PDLIM4: variants seen among roughly 807,000 people sequenced by gnomAD.
The protein encoded by PDLIM4 is PDZ and LIM domain 4, also known as PDZ and LIM domain protein 4.
Under a neutral mutation model 31.3 loss-of-function variants are expected in PDLIM4, and 19 were observed. The ratio of observed to expected loss-of-function variants is 0.61; its 90% CI spans 0.42 to 0.89. PDLIM4 has a LOEUF of 0.89. PDLIM4 is among the 40% of genes least tolerant of loss of function. The pLI, the probability that PDLIM4 is intolerant of heterozygous loss-of-function variation, is 0.00. For missense variants in PDLIM4, 442 were observed against 461.1 expected (o/e 0.96, Z 0.38); for synonymous variants, 176 against 190.1 (o/e 0.93, Z 0.61).
chr5:132,263,871 C>T (rs913600072), intron 2 of PDLIM4, among the ~76,000 whole-genome samples: 53 of 152,348 alleles, frequency 3.5e-4, no homozygotes, highest in African/African-American at 1.3e-3. Context: ...CTTTGGAGTT[C>T]AGCAAAGCTG....
chr5:132,264,937 T>C (rs1234519986), intron 2 of PDLIM4, among the ~76,000 whole-genome samples: 2 of 151,444 alleles, frequency 1.3e-5, no homozygotes, highest in African/African-American at 4.9e-5. Context: ...GAATGAAAAG[T>C]GTATCAAAGG....
At position 132,271,365 on chromosome 5, in the gene PDLIM4, T is replaced by C; in HGVS notation, c.569T>C (p.Val190Ala). 1 of 1,605,688 alleles carries C rather than the reference T, an allele frequency of 6.2e-7. No homozygotes were observed. The highest frequency in any genetic ancestry group is 8.5e-7 in the Non-Finnish European group (1 of 1,179,022). ...RDCRVDLGSEVYRMLREPAEP... is the reference protein window; with the variant it reads ...RDCRVDLGSEAYRMLREPAEP... The stretch of plus-strand genomic sequence containing the variant: ...TGCAGAGTCGACCTGGGCTCCGAGG[T>C]GTACAGGATGCTGCGGGAGCCAGCC... The change falls in exon 5 of 7, where the codon GTG (valine) becomes GCG (alanine). Residue 190 changes from valine (V) to alanine (A), a missense_variant. Transcript: ENST00000253754.
Position 132,272,634 on chromosome 5 carries a change from T to G in PDLIM4, c.*405T>G. The G allele has an allele frequency of 3.5e-6, 1 of 283,660 alleles. No individual in the cohort carries two copies. The highest frequency in any genetic ancestry group is 7.0e-6 in the Non-Finnish European group (1 of 142,738). The allele number at this position is 283,660 out of a possible 1,614,324, so 17.6% of individuals were successfully genotyped here. A position where few individuals can be genotyped will look rare whatever the true frequency, so the allele number is the denominator to read the frequency against. On this transcript the variant is annotated 3_prime_UTR_variant, in exon 7 of 7. Coordinates refer to ENST00000253754, the MANE Select transcript of PDLIM4 (RefSeq NM_003687.4). ...ACTAAGAGATGAGGGAGGCACAAAC[T>G]CTGCACGGGGGAACTGTGTGTGCAA...
In PDLIM4 at chr5:132,262,616, CT is replaced by C; in HGVS notation, c.102del (p.Gly35AlafsTer14). 1 of 1,606,940 alleles carries C rather than the reference CT, an allele frequency of 6.2e-7. No individual in the cohort carries two copies. The highest frequency in any genetic ancestry group is 2.2e-5 in the East Asian group (1 of 44,674). On this transcript the variant is annotated frameshift_variant, in exon 2 of 7. Coordinates refer to ENST00000253754, the MANE Select transcript of PDLIM4 (RefSeq NM_003687.4). LOFTEE classifies it high-confidence loss of function. ...TGGCTTGTCTGCTCGCAGGTCCATG[CT>C]GGCAGCAAGGCTGCATTGGCTGCCC... ...SAPLTISRVH[A>X]GSKAALAALC... is the part of the protein sequence containing the mutation.
chr5:132,258,843 T>A (rs1343786675), intron 1 of PDLIM4, among the ~76,000 whole-genome samples: 1 of 152,162 alleles, frequency 6.6e-6, no homozygotes, highest in Non-Finnish European at 1.5e-5. Flanking sequence ...TGGGGGCCTG[T>A]GTCAGAGGCA....
In PDLIM4 at chr5:132,272,890, C is replaced by T. The variant is rs1756662328; in HGVS notation, c.*661C>T. 6.5e-6 allele frequency: 1 copy of T among 152,828 alleles called. No homozygotes were observed. Among genetic ancestry groups the T allele is most frequent in the African/African-American group, 2.4e-5 (1 of 41,560 alleles). 9.5% of individuals were successfully genotyped at this position (152,828 alleles called of 1,614,324 possible). A position where few individuals can be genotyped will look rare whatever the true frequency, so the allele number is the denominator to read the frequency against. On this transcript the variant is annotated 3_prime_UTR_variant, in exon 7 of 7. Coordinates refer to ENST00000253754, the MANE Select transcript of PDLIM4 (RefSeq NM_003687.4). Reference sequence around the variant, plus strand: ...GAGCACTTTATTCTCCTCCGAGACCCCCTTTTCTTCCCCTTCCTCTCTCCC... The same window carrying T: ...GAGCACTTTATTCTCCTCCGAGACCTCCTTTTCTTCCCCTTCCTCTCTCCC...
rs200399687 is a variant in PDLIM4 at position 132,271,772 on chromosome 5, C to T, written c.671-19C>T. ...TGACCTCCTCACCCCGTTCATGCCA[C>T]CTACGCTCCGGGTTTCAGGGGATTG... On this transcript the variant is annotated intron_variant, in intron 5 of 6. Coordinates refer to ENST00000253754, the MANE Select transcript of PDLIM4 (RefSeq NM_003687.4). 8,213 of 1,539,744 alleles carry T rather than the reference C, an allele frequency of 5.3e-3. 30 individuals are homozygous for T. Among genetic ancestry groups the T allele is most frequent in the Non-Finnish European group, 6.7e-3 (7,485 of 1,112,914 alleles).
intron 2 of PDLIM4, among the ~76,000 whole-genome samples, chr5:132,264,915 A>G (rs1158196709): frequency 1.3e-5 from 2 of 150,694 alleles, no homozygotes; most frequent in African/African-American, 4.9e-5. Flanking sequence ...TCCCCCCACC[A>G]ACTCCCCCAC....
intron 5 of PDLIM4, 129 bp downstream of exon 5, chr5:132,271,595 C>A (rs778355209): frequency 9.2e-7 from 1 of 1,088,282 alleles, no homozygotes; most frequent in Non-Finnish European, 1.4e-6. Flanking sequence ...GGTCCCACGC[C>A]CTTGCTACAA....
Position 132,270,998 on chromosome 5 carries a change from TG to T in PDLIM4, c.413del (p.Gly138AspfsTer22). 1 of 1,614,112 alleles carries T rather than the reference TG, an allele frequency of 6.2e-7. No homozygotes were observed. The highest frequency in any genetic ancestry group is 8.5e-7 in the Non-Finnish European group (1 of 1,179,968). ...DGRPSLGSPY[G>X]QPPRFPVPHN... ...GCAGACCAAGCCTGGGATCTCCATA[TG>T]GACAACCCCCTCGCTTTCCAGTCCC... On this transcript the variant is annotated frameshift_variant, in exon 4 of 7. Coordinates refer to ENST00000253754, the MANE Select transcript of PDLIM4 (RefSeq NM_003687.4). LOFTEE classifies it high-confidence loss of function.
At chr5:132,269,036 C>A (rs1359774158) in intron 3 of PDLIM4, among the ~76,000 whole-genome samples, 4 of 152,202 alleles carry the variant, frequency 2.6e-5, no homozygotes, top group Non-Finnish European at 5.9e-5. Flanking sequence ...CCACAAGGAA[C>A]CTGATGTGGA....
intron 3 of PDLIM4, among the ~76,000 whole-genome samples, chr5:132,268,434 G>C (rs1281546215): frequency 1.3e-5 from 2 of 152,202 alleles, no homozygotes; most frequent in Non-Finnish European, 2.9e-5. Flanking sequence ...AGCACAAGGT[G>C]CCCTGGCACA....
intron 1 of PDLIM4, among the ~76,000 whole-genome samples, chr5:132,259,275 AG>A (rs1756320426): frequency 6.6e-6 from 1 of 152,084 alleles, no homozygotes; most frequent in South Asian, 2.1e-4. Context: ...GGCCGCTGAC[AG>A]GCTCAGTGGC....
intron 2 of PDLIM4, 72 bp from the exon 3 acceptor site, chr5:132,266,392 C>T: frequency 5.9e-6 from 6 of 1,022,126 alleles, no homozygotes; most frequent in African/African-American, 1.6e-5. Context: ...AGCCCAGCCC[C>T]TCTTGATCCT....
Position 132,271,793 on chromosome 5 carries a change from G to T in PDLIM4, c.673G>T (p.Asp225Tyr), listed in dbSNP as rs879454942. Residue 225 changes from aspartate (D) to tyrosine (Y), a missense_variant and splice_region_variant, in exon 6 of 7, where the codon GAT (aspartate) becomes TAT (tyrosine). Transcript: ENST00000253754. ...GCCACCTACGCTCCGGGTTTCAGGG[G>T]ATTGGCCCGGGCCTGGCGGCCCCCG... ...QGMLEAGEGG[D>Y]WPGPGGPRNL... 28 of 1,605,480 alleles carry T rather than the reference G, an allele frequency of 1.7e-5. No individual in the cohort carries two copies. Among genetic ancestry groups the T allele is most frequent in the Non-Finnish European group, 2.4e-5 (28 of 1,172,658 alleles).
intron 6 of PDLIM4, 30 bp from the exon 7 acceptor site, chr5:132,271,995 G>A (rs777030768): frequency 4.3e-6 from 7 of 1,610,172 alleles, no homozygotes; most frequent in South Asian, 1.1e-5. Context: ...TCAGTCACTC[G>A]ACGCTGTCCT....
At chr5:132,271,125 A>G (rs1756600058) in intron 4 of PDLIM4, 32 bp downstream of exon 4, 1 of 1,599,964 alleles carries the variant, frequency 6.3e-7, no homozygotes. Flanking sequence ...TGCCATGCCC[A>G]GAACCCATCT....
Position 132,258,632 on chromosome 5 carries a change from G to C in PDLIM4, c.93+805G>C, listed in dbSNP as rs140233795. ...GCCTGTCTAGGGGAGACAGGATCCT[G>C]GCCCAGCCTCGACATCCTCGTGTCT... is the stretch of plus-strand genomic sequence containing the variant. On this transcript the variant is annotated intron_variant, in intron 1 of 6. Transcript: ENST00000253754. Among the ~76,000 whole-genome samples, 231 of 152,318 alleles carry C rather than the reference G, an allele frequency of 1.5e-3. 1 individual carries two copies. The highest frequency in any genetic ancestry group is 4.7e-3 in the African/African-American group (194 of 41,574).
intron 3 of PDLIM4, among the ~76,000 whole-genome samples, chr5:132,267,018 A>G (rs1446147936): frequency 6.6e-6 from 1 of 152,244 alleles, no homozygotes; most frequent in Non-Finnish European, 1.5e-5. Context: ...TTCTAGCAGA[A>G]CTTAGGCTGC....
Sources: gnomAD v4.1 joint callset for allele counts (sites outside exome capture counted in the v4.1 genomes callset) on GRCh38, gnomAD v4.1.1 for gene constraint, MANE v1.5 for transcripts, NCBI Gene and HGNC (gene_info 2026-07-23, HGNC 2026-07-21) for gene names.